The following SERPINB10 variants were observed in gnomAD, a reference collection of about 807,000 sequenced individuals.
The protein encoded by SERPINB10 is serpin family B member 10, also known as serpin B10.
SERPINB10 carries 35 observed loss-of-function variants against 39.1 expected under a neutral mutation model. The observed-to-expected ratio is 0.90, with a 90% CI of 0.68 to 1.19. SERPINB10 has a LOEUF of 1.19. SERPINB10 is among the 50% of genes most tolerant of loss of function. The pLI is 0.00. For synonymous variants in SERPINB10, 190 were observed against 158.1 expected, an observed-to-expected ratio of 1.20 and a Z score of -1.52; for missense variants, 546 against 460.5, an observed-to-expected ratio of 1.19 and a Z score of -1.70.
At chr18:63,914,389 C>T (rs1196734718) in intron 1 of SERPINB10, among the ~76,000 whole-genome samples, 1 of 151,998 alleles carries the variant, frequency 6.6e-6, no homozygotes, top group Non-Finnish European at 1.5e-5. Context: ...TAACAGGTAT[C>T]ATTCTTTTGT....
chr18:63,918,168 C>T, intron 4 of SERPINB10, 66 bp downstream of exon 4: 2 of 1,537,046 alleles, frequency 1.3e-6, no homozygotes, highest in Non-Finnish European at 1.8e-6. Flanking sequence ...AATCAGTAAA[C>T]TCTGTATATT....
intron 1 of SERPINB10, 50 bp from the exon 2 acceptor site, chr18:63,915,452 G>C (rs1345743211): frequency 7.4e-7 from 1 of 1,344,332 alleles, no homozygotes; most frequent in African/African-American, 1.5e-5. Context: ...CAAAGGTGAA[G>C]TGGAAATAAA....
intron 7 of SERPINB10, among the ~76,000 whole-genome samples, chr18:63,933,543 C>A (rs2050239352): frequency 6.6e-6 from 1 of 152,156 alleles, no homozygotes; most frequent in Non-Finnish European, 1.5e-5. Context: ...TTGATCATAA[C>A]CATCTTTCAA....
chr18:63,933,697 T>G (rs1234998505), intron 7 of SERPINB10, among the ~76,000 whole-genome samples: 1 of 152,316 alleles, frequency 6.6e-6, no homozygotes, highest in South Asian at 2.1e-4. Flanking sequence ...TAAGCAACCT[T>G]CAGGAGAAAA....
intron 5 of SERPINB10, among the ~76,000 whole-genome samples, chr18:63,921,241 A>G (rs1048798814): frequency 6.6e-6 from 1 of 151,992 alleles, no homozygotes; most frequent in Admixed American, 6.6e-5. Flanking sequence ...GTCTAAGCAC[A>G]TGGAATGTTT....
At chr18:63,928,763 C>T (rs1023479974) in intron 5 of SERPINB10, among the ~76,000 whole-genome samples, 1 of 151,576 alleles carries the variant, frequency 6.6e-6, no homozygotes, top group East Asian at 1.9e-4. Flanking sequence ...TCCTTGACAT[C>T]CCTTGTAAGT....
At chr18:63,933,331 G>C (rs2050238056) in intron 7 of SERPINB10, 128 bp downstream of exon 7, 2 of 1,014,056 alleles carry the variant, frequency 2.0e-6, no homozygotes, top group African/African-American at 3.3e-5. Flanking sequence ...TTCCTATAGA[G>C]AAAGGTCACC....
chr18:63,917,875 T>A, intron 3 of SERPINB10, 90 bp from the exon 4 acceptor site: 1 of 1,215,532 alleles, frequency 8.2e-7, no homozygotes, highest in Non-Finnish European at 1.2e-6. Context: ...TGTTTGCAAT[T>A]CCCCAAATAA....
intron 1 of SERPINB10, among the ~76,000 whole-genome samples, chr18:63,913,741 T>C (rs1246589444): frequency 6.6e-6 from 1 of 152,066 alleles, no homozygotes; most frequent in African/African-American, 2.4e-5. Context: ...AGAATGTATA[T>C]TTTGTGGTTG....
intron 1 of SERPINB10, among the ~76,000 whole-genome samples, chr18:63,915,006 A>G (rs576615981): frequency 6.6e-6 from 1 of 152,238 alleles, no homozygotes; most frequent in African/African-American, 2.4e-5. Flanking sequence ...TGCATAAATT[A>G]AAAATGGTAG....
At chr18:63,929,039 G>A (rs2050200524) in intron 5 of SERPINB10, among the ~76,000 whole-genome samples, 1 of 152,142 alleles carries the variant, frequency 6.6e-6, no homozygotes, top group South Asian at 2.1e-4. Context: ...GCTCTTTTTA[G>A]TATGATTATG....
rs1342472090 is a variant in SERPINB10 at position 63,933,052 on chromosome 18, C to G, written c.638C>G (p.Thr213Arg). 6.2e-7 allele frequency: 1 copy of G among 1,610,798 alleles called. No individual in the cohort carries two copies. Among genetic ancestry groups the G allele is most frequent in the Non-Finnish European group, 8.5e-7 (1 of 1,179,268 alleles). ...TEKPFRINET[T>R]SKPVQMMFMK... is the part of the protein sequence containing the mutation. ...TTGTTTTTTTGTTTTTTTTAGACTA[C>G]AAGCAAACCAGTGCAAATGATGTTT... The change falls in exon 7 of 8, where the codon ACA becomes AGA. Residue 213 changes from threonine (T) to arginine (R), a missense_variant. Physicochemically the swap from Thr to Arg is moderately conservative, Grantham distance 71. Transcript: ENST00000238508.
chr18:63,931,671 C>T (rs891487474), intron 6 of SERPINB10, among the ~76,000 whole-genome samples: 32 of 152,084 alleles, frequency 2.1e-4, no homozygotes, highest in African/African-American at 7.7e-4. Context: ...CATATGTCCC[C>T]CCTTCAACAC....
chr18:63,929,953 T>C (rs1173123713), intron 5 of SERPINB10, 92 bp from the exon 6 acceptor site: 36 of 1,355,574 alleles, frequency 2.7e-5, no homozygotes, highest in Admixed American at 5.0e-5. Context: ...AGAAAACTTT[T>C]ATAGTTCCAG....
At position 63,930,043 on chromosome 18, in the gene SERPINB10, A is replaced by G. The variant is rs1446300579; in HGVS notation, c.491-2A>G. ...TTTGCAACCTGCCTTTTGTTCTTAC[A>G]GGTAAAATCCAGAATCTCCTGCCTG... is the stretch of plus-strand genomic sequence containing the variant. On this transcript the variant is annotated splice_acceptor_variant, in intron 5 of 7. Coordinates refer to ENST00000238508, the MANE Select transcript of SERPINB10 (RefSeq NM_005024.3). LOFTEE classifies it high-confidence loss of function. 1.2e-6 allele frequency: 2 copies of G among 1,612,904 alleles called. No individual in the cohort carries two copies. Among genetic ancestry groups the G allele is most frequent in the Admixed American group, 1.7e-5 (1 of 59,816 alleles).
At chr18:63,910,731 G>T (rs1314546794) in intron 1 of SERPINB10, among the ~76,000 whole-genome samples, 1 of 151,606 alleles carries the variant, frequency 6.6e-6, no homozygotes, top group Non-Finnish European at 1.5e-5. Flanking sequence ...TCATGTCTTT[G>T]CTATTGTGAA....
intron 5 of SERPINB10, among the ~76,000 whole-genome samples, chr18:63,928,914 T>A (rs563735765): frequency 2.0e-5 from 3 of 151,928 alleles, no homozygotes; most frequent in Non-Finnish European, 2.9e-5. Flanking sequence ...TTTGCTGAAG[T>A]TGCTTATCAG....
In SERPINB10 at chr18:63,935,116, G is replaced by A. The variant is rs199673768; in HGVS notation, c.1068G>A (p.Gly356=). The A allele has an allele frequency of 8.1e-6, 13 of 1,613,868 alleles. No individual in the cohort carries two copies. In the Admixed American group the frequency reaches 2.0e-4, roughly 25 times the overall value. The change falls in exon 8 of 8, where the codon GGG becomes GGA. Residue 356 remains glycine (G), a synonymous_variant. Transcript: ENST00000238508. ...GTACTGAAGCTGCAGCTGGCAGTGG[G>A]AGTGAGATAGATATACGAATTAGAG... ...EQGTEAAAGS[G]SEIDIRIRVP... is the part of the protein sequence containing the mutation.
chr18:63,921,208 T>C (rs1036504337), intron 5 of SERPINB10, among the ~76,000 whole-genome samples: 1 of 152,114 alleles, frequency 6.6e-6, no homozygotes, highest in Admixed American at 6.5e-5. Context: ...TAATGAATAT[T>C]AATGATGATG....
Sources: gnomAD v4.1 joint callset for allele counts (sites outside exome capture counted in the v4.1 genomes callset) on GRCh38, gnomAD v4.1.1 for gene constraint, MANE v1.5 for transcripts, NCBI Gene and HGNC (gene_info 2026-07-23, HGNC 2026-07-21) for gene names.